Variants in THAP9 observed in about 807,000 individuals in gnomAD.
The protein encoded by THAP9 is THAP domain containing 9, also known as DNA transposase THAP9.
In THAP9, 20 loss-of-function variants were observed where a neutral mutation model predicts 35.7. That is an observed-to-expected ratio of 0.56 (90% confidence interval 0.39 to 0.81). The LOEUF is 0.81. Among genes scored for constraint, THAP9 ranks in the 40% least tolerant of loss-of-function variants. The pLI is 0.00. For missense variants in THAP9, 870 were observed against 1,047.4 expected, an observed-to-expected ratio of 0.83 and a Z score of 2.34; for synonymous variants, 335 against 373.7, an observed-to-expected ratio of 0.90 and a Z score of 1.19.
intron 1 of THAP9, among the ~76,000 whole-genome samples, chr4:82,901,956 A>G (rs1270487147): frequency 1.3e-5 from 2 of 152,164 alleles, no homozygotes; most frequent in Admixed American, 1.3e-4. Flanking sequence ...TGCCTTGTAG[A>G]ATTTTGTAAA....
At chr4:82,915,900 CTG>C (rs145061552) in intron 4 of THAP9, among the ~76,000 whole-genome samples, 1 of 151,826 alleles carries the variant, frequency 6.6e-6, no homozygotes, top group African/African-American at 2.4e-5. Context: ...GAAGTCAACT[CTG>C]TGTGTGTGTG....
chr4:82,902,154 G>C (rs1376070094), intron 1 of THAP9, among the ~76,000 whole-genome samples: 1 of 123,622 alleles, frequency 8.1e-6, no homozygotes, highest in Non-Finnish European at 1.6e-5. Flanking sequence ...TGTCGCCCAG[G>C]CTGGAGAGCA....
chr4:82,906,760 G>T, intron 3 of THAP9, 133 bp downstream of exon 3: 1 of 839,540 alleles, frequency 1.2e-6, no homozygotes, highest in South Asian at 2.8e-5. Flanking sequence ...AGCTTAAGAA[G>T]AATGAAAATT....
At chr4:82,909,316 T>G (rs187412419) in intron 4 of THAP9, among the ~76,000 whole-genome samples, 39 of 152,292 alleles carry the variant, frequency 2.6e-4, no homozygotes, top group Admixed American at 6.5e-4. Flanking sequence ...CTCTTCTAAT[T>G]GACCTTCAGA....
rs767668716 is a variant in THAP9, at chr4:82,918,526, A to T, written c.2314A>T (p.Ile772Leu). 8 of 1,614,082 alleles carry T rather than the reference A, an allele frequency of 5.0e-6. No homozygotes were observed. Among genetic ancestry groups the T allele is most frequent in the Non-Finnish European group, 6.8e-6 (8 of 1,180,012 alleles). ...TCCTTCAGAAAGTCTGTGTCGGGTC[A>T]TAAATATTTGTGAGCGAGTTGTAAG... The part of the protein sequence containing the change: ...HFPSESLCRV[I>L]NICERVVRTH... The change falls in exon 5 of 5, where the codon ATA (isoleucine) becomes TTA (leucine). Residue 772 changes from isoleucine (I) to leucine (L), a missense_variant. Coordinates refer to ENST00000302236, the MANE Select transcript of THAP9 (RefSeq NM_024672.6).
chr4:82,901,082 C>T (rs183218677), intron 1 of THAP9, 200 bp downstream of exon 1: 6 of 732,508 alleles, frequency 8.2e-6, no homozygotes, highest in East Asian at 5.4e-5. Context: ...CCAGTGTTTA[C>T]CTCTGAATAG....
chr4:82,904,991 G>C (rs761575651), intron 2 of THAP9, 60 bp downstream of exon 2: 1 of 1,516,142 alleles, frequency 6.6e-7, no homozygotes, highest in East Asian at 2.3e-5. Flanking sequence ...TAAAAATCAA[G>C]ATAGCCCCCA....
chr4:82,912,935 T>C lies in THAP9; in HGVS notation c.732-4009T>C, dbSNP rs995146997. 1.4e-4 allele frequency among the ~76,000 whole-genome samples: 21 copies of C among 152,184 alleles called. 1 individual carries two copies. Among genetic ancestry groups the C allele is most frequent in the Admixed American group, 9.2e-4 (14 of 15,284 alleles). On this transcript the variant is annotated intron_variant, in intron 4 of 4. Coordinates refer to ENST00000302236, the MANE Select transcript of THAP9 (RefSeq NM_024672.6). ...AGGGCGTGTAAAAATATGTGAAACA[T>C]TAATTACCATTAAGTGAAAAATAGA...
chr4:82,913,065 G>T (rs777107063), intron 4 of THAP9, among the ~76,000 whole-genome samples: 1 of 151,982 alleles, frequency 6.6e-6, no homozygotes, highest in Non-Finnish European at 1.5e-5. Flanking sequence ...TAAAAAGAAT[G>T]TGTCTTTTTT....
chr4:82,905,085 A>T (rs991856535), intron 2 of THAP9, 154 bp downstream of exon 2: 3 of 593,522 alleles, frequency 5.1e-6, no homozygotes, highest in African/African-American at 1.9e-5. Context: ...TAAAAAAAAA[A>T]TTATATATAT....
At chr4:82,900,949 T>TGGGGC in intron 1 of THAP9, 67 bp downstream of exon 1, 3 of 1,583,728 alleles carry the variant, frequency 1.9e-6, no homozygotes, top group South Asian at 2.2e-5. Context: ...TGGCGTGGCG[T>TGGGGC]GGGGCGGGGC....
rs1292438534 is a variant in THAP9, at chr4:82,900,838, C to T, written c.36C>T (p.Thr12=). The T allele has an allele frequency of 2.5e-6, 4 of 1,613,468 alleles. No homozygotes were observed. The African/African-American group carries it at 4.0e-5, about 16-fold the overall frequency. Residue 12 remains threonine (T), a synonymous_variant, in exon 1 of 5, where the codon ACC becomes ACT. Coordinates refer to ENST00000302236, the MANE Select transcript of THAP9 (RefSeq NM_024672.6). ...GTTGCTCCGCAGTGGGCTGCAGCAC[C>T]CGTGACACCGTGCTCAGCCGGGAGC... ...TRSCSAVGCS[T]RDTVLSRERG...
chr4:82,905,430 C>A (rs1157687061), intron 2 of THAP9, among the ~76,000 whole-genome samples: 1 of 152,032 alleles, frequency 6.6e-6, no homozygotes, highest in East Asian at 1.9e-4. Flanking sequence ...TTATTTTATC[C>A]TTTTACCCCT....
intron 1 of THAP9, 178 bp downstream of exon 1, chr4:82,901,060 C>T: frequency 2.6e-6 from 2 of 777,460 alleles, no homozygotes; most frequent in Non-Finnish European, 4.5e-6. Context: ...TTGAGATTCT[C>T]TCTCTTCCCG....
At chr4:82,908,353 C>T (rs562370410) in intron 4 of THAP9, among the ~76,000 whole-genome samples, 5 of 152,178 alleles carry the variant, frequency 3.3e-5, no homozygotes, top group South Asian at 2.1e-4. Context: ...CTGGATTGAT[C>T]GCCATTGGTC....
chr4:82,905,934 T>C, intron 2 of THAP9: 1 of 456,660 alleles, frequency 2.2e-6, no homozygotes. Context: ...CAGGTCAGTC[T>C]TAATTCCAAA....
chr4:82,906,434 G>A lies in THAP9; in HGVS notation c.387G>A (p.Lys129=), dbSNP rs1201101106. Reference sequence around the variant, plus strand: ...CTGAGGACCATAACTATAGTTTAAAGACACCTTTGACGATAGGTGCAGAGA... The same window carrying A: ...CTGAGGACCATAACTATAGTTTAAAAACACCTTTGACGATAGGTGCAGAGA... ...VATEDHNYSL[K]TPLTIGAEKL... Residue 129 remains lysine (K), a synonymous_variant, in exon 3 of 5, where the codon AAG becomes AAA. Transcript: ENST00000302236. The A allele has an allele frequency of 2.5e-6, 4 of 1,613,672 alleles. No homozygotes were observed. The highest frequency in any genetic ancestry group is 1.7e-5 in the Admixed American group (1 of 59,996).
rs1721050843 is a variant in THAP9, at chr4:82,916,963, C to T, written c.751C>T (p.Pro251Ser). Residue 251 changes from proline (P) to serine (S), a missense_variant, in exon 5 of 5, where the codon CCC becomes TCC. Coordinates refer to ENST00000302236, the MANE Select transcript of THAP9 (RefSeq NM_024672.6). ...ILRTWLSKCQ[P>S]SPGFNSNIFS... Reference sequence around the variant, plus strand: ...TTCTAGGTGGTTATCCAAATGCCAACCCAGTCCAGGTTTCAACAGCAACAT... The same window carrying T: ...TTCTAGGTGGTTATCCAAATGCCAATCCAGTCCAGGTTTCAACAGCAACAT... 2 of 1,529,368 alleles carry T rather than the reference C, an allele frequency of 1.3e-6. No individual in the cohort carries two copies. The highest frequency in any genetic ancestry group is 2.8e-5 in the African/African-American group (2 of 72,098). 94.7% of individuals were successfully genotyped at this position (1,529,368 alleles called of 1,614,324 possible).
chr4:82,919,133 A>G lies in THAP9; in HGVS notation c.*209A>G, dbSNP rs2126018313. The G allele has an allele frequency of 2.2e-6, 1 of 445,656 alleles. No individual in the cohort carries two copies. Among genetic ancestry groups the G allele is most frequent in the Admixed American group, 3.9e-5 (1 of 25,660 alleles). 27.6% of individuals were successfully genotyped at this position (445,656 alleles called of 1,614,324 possible). A position where few individuals can be genotyped will look rare whatever the true frequency, so the allele number is the denominator to read the frequency against. On this transcript the variant is annotated 3_prime_UTR_variant, in exon 5 of 5. Coordinates refer to ENST00000302236, the MANE Select transcript of THAP9 (RefSeq NM_024672.6). ...TTTATGAGTTTTCCAAAATATAGAA[A>G]GCAGTAGGTCAGTAGGAGCAAACTA...
Sources: allele counts gnomAD v4.1 joint callset (sites outside exome capture counted in the v4.1 genomes callset), GRCh38; gene constraint gnomAD v4.1.1; transcripts MANE v1.5; gene names NCBI Gene and HGNC (gene_info 2026-07-23, HGNC 2026-07-21).